NPAS2: variants seen among roughly 807,000 people sequenced by gnomAD.
NPAS2 encodes neuronal PAS domain-containing protein 2.
A neutral mutation model predicts 107.5 loss-of-function variants in NPAS2; 23 were observed. The ratio of observed to expected loss-of-function variants is 0.21; its 90% CI spans 0.15 to 0.30. The LOEUF (loss-of-function observed/expected upper bound fraction) is 0.30, where lower values mean the gene tolerates loss of function less well. NPAS2 is among the 10% of genes least tolerant of loss of function. The pLI is 1.00. For missense variants in NPAS2, 756 were observed against 1,043.3 expected (o/e 0.72, Z 3.79); for synonymous variants, 403 against 417.5 (o/e 0.97, Z 0.42).
At chr2:100,955,945 C>T (rs1675543796) in intron 7 of NPAS2, among the ~76,000 whole-genome samples, 3 of 152,182 alleles carry the variant, frequency 2.0e-5, no homozygotes, top group African/African-American at 7.2e-5. Context: ...CACTCTGTCA[C>T]ACAGACTGGA....
At chr2:100,948,203 G>T (rs1298621347) in intron 5 of NPAS2, 32 bp from the exon 6 acceptor site, 6 of 1,607,454 alleles carry the variant, frequency 3.7e-6, no homozygotes, top group Non-Finnish European at 5.1e-6. Flanking sequence ...CTTCGTTGAG[G>T]GTGTACCTTT....
chr2:100,925,367 G>T, intron 3 of NPAS2, 73 bp downstream of exon 3: 1 of 1,535,452 alleles, frequency 6.5e-7, no homozygotes. Context: ...ACCAATCTGG[G>T]CTGCCTGGTT....
intron 1 of NPAS2, among the ~76,000 whole-genome samples, chr2:100,865,930 T>C (rs1274985105): frequency 6.6e-6 from 1 of 152,226 alleles, no homozygotes; most frequent in Non-Finnish European, 1.5e-5. Flanking sequence ...CTGGCCCTGA[T>C]ATCTCTTTAT....
intron 3 of NPAS2, 128 bp downstream of exon 3, chr2:100,925,422 T>TCC: frequency 1.0e-6 from 1 of 981,484 alleles, no homozygotes; most frequent in Non-Finnish European, 1.5e-6. Flanking sequence ...GTCGAGGGCT[T>TCC]CCCATTGTAA....
intron 2 of NPAS2, among the ~76,000 whole-genome samples, chr2:100,920,803 G>T (rs949709837): frequency 6.6e-5 from 10 of 152,236 alleles, no homozygotes; most frequent in African/African-American, 2.4e-4. Flanking sequence ...AAGCGAAGGG[G>T]CAGGGAAGCA....
At chr2:100,843,926 C>G (rs1677606752) in intron 1 of NPAS2, among the ~76,000 whole-genome samples, 1 of 152,120 alleles carries the variant, frequency 6.6e-6, no homozygotes, top group Non-Finnish European at 1.5e-5. Flanking sequence ...ATTCCAGCAC[C>G]CATGTCCTCC....
intron 1 of NPAS2, among the ~76,000 whole-genome samples, chr2:100,841,398 G>A (rs983451893): frequency 2.6e-5 from 4 of 152,152 alleles, no homozygotes; most frequent in African/African-American, 4.8e-5. Context: ...CCGAGATTGC[G>A]CCACTGCACT....
chr2:100,938,374 A>G (rs1684468147), intron 5 of NPAS2, among the ~76,000 whole-genome samples: 1 of 151,776 alleles, frequency 6.6e-6, no homozygotes, highest in African/African-American at 2.4e-5. Context: ...GTCTTGGAAG[A>G]CCTTGGGGAG....
At chr2:100,939,046 C>G (rs957269674) in intron 5 of NPAS2, among the ~76,000 whole-genome samples, 1 of 152,164 alleles carries the variant, frequency 6.6e-6, no homozygotes, top group African/African-American at 2.4e-5. Flanking sequence ...CAGGGAACAG[C>G]GTGGCCTTGT....
At chr2:100,844,889 A>G (rs1387494315) in intron 1 of NPAS2, among the ~76,000 whole-genome samples, 1 of 152,158 alleles carries the variant, frequency 6.6e-6, no homozygotes, top group African/African-American at 2.4e-5. Context: ...GGGATGAGAG[A>G]CATTGTACTG....
chr2:100,833,006 A>G (rs930040701), intron 1 of NPAS2, among the ~76,000 whole-genome samples: 6 of 152,188 alleles, frequency 3.9e-5, no homozygotes, highest in Admixed American at 3.9e-4. Flanking sequence ...CTAACAGCTC[A>G]GACTTTGGCA....
chr2:100,856,712 T>A (rs1352282450), intron 1 of NPAS2, among the ~76,000 whole-genome samples: 1 of 4,194 alleles, frequency 2.4e-4, no homozygotes, highest in Non-Finnish European at 4.3e-4. Context: ...ATGGGCGGGG[T>A]GGGGGCGGGG....
chr2:100,940,267 G>A (rs1057284196), intron 5 of NPAS2, among the ~76,000 whole-genome samples: 2 of 152,214 alleles, frequency 1.3e-5, no homozygotes, highest in African/African-American at 2.4e-5. Context: ...AGGGGTAGCT[G>A]ACTGCAGAAC....
At chr2:100,874,475 C>T (rs1223199946) in intron 1 of NPAS2, among the ~76,000 whole-genome samples, 1 of 152,134 alleles carries the variant, frequency 6.6e-6, no homozygotes, top group Non-Finnish European at 1.5e-5. Context: ...GGCACGGTGG[C>T]TCATGCCTGT....
intron 1 of NPAS2, among the ~76,000 whole-genome samples, chr2:100,888,942 A>G (rs1223620579): frequency 1.3e-5 from 2 of 152,230 alleles, no homozygotes; most frequent in African/African-American, 4.8e-5. Context: ...GGAGGAACTC[A>G]GTCTCTTTTT....
intron 10 of NPAS2, among the ~76,000 whole-genome samples, chr2:100,967,312 C>T (rs573127765): frequency 6.7e-6 from 1 of 149,092 alleles, no homozygotes; most frequent in African/African-American, 2.5e-5. Flanking sequence ...CTGCAAGCTC[C>T]GCCTCCCGGG....
At chr2:100,905,711 G>T (rs1159376464) in intron 2 of NPAS2, among the ~76,000 whole-genome samples, 1 of 152,110 alleles carries the variant, frequency 6.6e-6, no homozygotes, top group Non-Finnish European at 1.5e-5. Context: ...CTTGTGTGTG[G>T]CAGGGCTCTC....
At chr2:100,837,444 C>T (rs1558793755) in intron 1 of NPAS2, among the ~76,000 whole-genome samples, 1 of 152,132 alleles carries the variant, frequency 6.6e-6, no homozygotes, top group Non-Finnish European at 1.5e-5. Flanking sequence ...TGCGCCATCA[C>T]GTCCAGCTAA....
At position 100,976,678 on chromosome 2, in the gene NPAS2, G is replaced by T. The variant is rs1032399925; in HGVS notation, c.1393-1032G>T. ...CCTGCTTGAGAAGCTTGGGCGATGC[G>T]TTTTATTTTCAAGTAGAATGTGGCA... On this transcript the variant is annotated intron_variant, in intron 14 of 20. Coordinates refer to ENST00000335681, the MANE Select transcript of NPAS2 (RefSeq NM_002518.4). This position sits in a 1 kb window ranked among gnomAD's most constrained non-coding sequence, Gnocchi z 4.1. The T allele has an allele frequency of 6.6e-6, 1 of 151,998 alleles. No homozygotes were observed. The highest frequency in any genetic ancestry group is 2.4e-5 in the African/African-American group (1 of 41,376). 9.4% of individuals were successfully genotyped at this position (151,998 alleles called of 1,614,324 possible). A position where few individuals can be genotyped will look rare whatever the true frequency, so the allele number is the denominator to read the frequency against.
Sources: allele counts gnomAD v4.1 joint callset (sites outside exome capture counted in the v4.1 genomes callset), GRCh38; gene constraint gnomAD v4.1.1; non-coding constraint Gnocchi (gnomAD v3.1); transcripts MANE v1.5; gene names NCBI Gene and HGNC (gene_info 2026-07-23, HGNC 2026-07-21).